DOCK3: variants seen among roughly 807,000 people sequenced by gnomAD.
The protein encoded by DOCK3 is dedicator of cytokinesis protein 3.
Under a neutral mutation model 265.6 loss-of-function variants are expected in DOCK3, and 60 were observed. The observed-to-expected ratio is 0.23, with a 90% CI of 0.18 to 0.28. The LOEUF (loss-of-function observed/expected upper bound fraction) is 0.28. Among genes scored for constraint, DOCK3 ranks in the 10% least tolerant of loss-of-function variants. DOCK3 has a pLI of 1.00. For synonymous variants in DOCK3, 881 were observed against 938.0 expected (o/e 0.94, Z 1.11); for missense variants, 1,981 against 2,594.3 (o/e 0.76, Z 5.14).
chr3:51,150,846 A>G (rs960138685), intron 10 of DOCK3, among the ~76,000 whole-genome samples: 8 of 152,078 alleles, frequency 5.3e-5, no homozygotes, highest in Non-Finnish European at 8.8e-5. Context: ...GTAGATGTCT[A>G]TTTGGTCCAC....
intron 10 of DOCK3, among the ~76,000 whole-genome samples, chr3:51,151,839 T>G (rs1403978702): frequency 6.6e-6 from 1 of 152,198 alleles, no homozygotes; most frequent in Non-Finnish European, 1.5e-5. Flanking sequence ...TGTCTTCTGC[T>G]TATAGAGTTT....
chr3:50,745,220 A>G (rs1317678551), intron 1 of DOCK3, among the ~76,000 whole-genome samples: 1 of 151,846 alleles, frequency 6.6e-6, no homozygotes, highest in Non-Finnish European at 1.5e-5. Context: ...TAATTTTTGT[A>G]TTTTTAGTAA....
At chr3:50,942,064 TGTAC>T (rs2076310862) in intron 5 of DOCK3, among the ~76,000 whole-genome samples, 1 of 152,068 alleles carries the variant, frequency 6.6e-6, no homozygotes, top group Non-Finnish European at 1.5e-5. Flanking sequence ...GTTTTGACAG[TGTAC>T]TGTGGTTATA....
At chr3:51,086,562 C>A (rs1332902711) in intron 7 of DOCK3, among the ~76,000 whole-genome samples, 1 of 152,194 alleles carries the variant, frequency 6.6e-6, no homozygotes, top group African/African-American at 2.4e-5. Context: ...CTTTGGGAGG[C>A]CAAGGCAGGT....
chr3:51,252,668 G>A (rs1211490795), intron 22 of DOCK3, among the ~76,000 whole-genome samples: 2 of 152,092 alleles, frequency 1.3e-5, no homozygotes, highest in Admixed American at 6.5e-5. Context: ...CTGTTTGTCT[G>A]TTATTGGTGT....
intron 48 of DOCK3, among the ~76,000 whole-genome samples, chr3:51,362,250 T>G (rs749553553): frequency 1.3e-5 from 2 of 152,172 alleles, no homozygotes; most frequent in African/African-American, 2.4e-5. Context: ...ACGGGAAAGA[T>G]CCTCTGCCAG....
chr3:51,149,109 T>C (rs1337127405), intron 10 of DOCK3, among the ~76,000 whole-genome samples: 1 of 152,194 alleles, frequency 6.6e-6, no homozygotes, highest in Non-Finnish European at 1.5e-5. Context: ...GTAGCAATTG[T>C]GAATGGGAGT....
intron 6 of DOCK3, 71 bp downstream of exon 6, chr3:51,064,667 C>T: frequency 6.5e-7 from 1 of 1,529,190 alleles, no homozygotes; most frequent in Non-Finnish European, 8.9e-7. Flanking sequence ...GAGTTTGCAC[C>T]TATACAAAGC....
In DOCK3 at chr3:50,786,530, T is replaced by A. The variant is rs2042193089; in HGVS notation, c.121+7772T>A. ...GCACACTAACACATGGGAACTTATC[T>A]CCTGGAGAACACGCTTAAGGAGATG... On this transcript the variant is annotated intron_variant, in intron 2 of 52. Transcript: ENST00000266037. The A allele has an allele frequency of 2.3e-5, 9 of 399,004 alleles. 1 individual carries two copies. In the South Asian group the frequency reaches 2.3e-4, roughly 10 times the overall value. The allele number at this position is 399,004 out of a possible 1,614,324, so 24.7% of individuals were successfully genotyped here.
At chr3:50,967,813 C>A (rs2077076867) in intron 5 of DOCK3, among the ~76,000 whole-genome samples, 2 of 152,146 alleles carry the variant, frequency 1.3e-5, no homozygotes, top group South Asian at 4.1e-4. Flanking sequence ...TCCTGCTGGT[C>A]CCTCCCATGA....
Position 51,260,262 on chromosome 3 carries a change from T to C in DOCK3, c.2291T>C (p.Phe764Ser), listed in dbSNP as rs2079781537. 1 of 1,613,810 alleles carries C rather than the reference T, an allele frequency of 6.2e-7. No homozygotes were observed. The highest frequency in any genetic ancestry group is 1.3e-5 in the African/African-American group (1 of 74,908). Residue 764 changes from phenylalanine to serine, a missense_variant, in exon 23 of 53, where the codon TTC (phenylalanine) becomes TCC (serine). This residue lies in a region of DOCK3 where 1,357 missense variants were observed against 1,866.8 expected (regional missense o/e 0.73). Transcript: ENST00000266037. ...TTCAGATCCAGTATCCAAGAACTTT[T>C]CCAGTCCATCCGGTTTGTGCTCAGT... ...EQFRSSIQEL[F>S]QSIRFVLSLD...
intron 5 of DOCK3, among the ~76,000 whole-genome samples, chr3:51,054,034 G>T (rs2081104742): frequency 6.8e-6 from 1 of 147,482 alleles, no homozygotes; most frequent in African/African-American, 2.5e-5. Flanking sequence ...TTCTCTCCTA[G>T]GTCCCTTTGT....
chr3:51,280,250 A>G (rs1192740699), intron 27 of DOCK3, 46 bp downstream of exon 27: 2 of 1,561,246 alleles, frequency 1.3e-6, no homozygotes, highest in Non-Finnish European at 1.8e-6. Flanking sequence ...GTGTGCAGCC[A>G]GCACTCCCCA....
chr3:50,788,237 C>T (rs2042285547), intron 2 of DOCK3: 2 of 721,796 alleles, frequency 2.8e-6, no homozygotes, highest in Admixed American at 3.1e-5. Flanking sequence ...GCTACAGGCA[C>T]AGCACAGTTT....
intron 49 of DOCK3, among the ~76,000 whole-genome samples, chr3:51,372,520 AC>A (rs1444481064): frequency 1.3e-5 from 2 of 151,534 alleles, no homozygotes; most frequent in African/African-American, 4.9e-5. Flanking sequence ...CTCCATCCTA[AC>A]CCCCTCACAC....
chr3:50,783,222 A>G (rs1200593045), intron 2 of DOCK3, among the ~76,000 whole-genome samples: 1 of 151,800 alleles, frequency 6.6e-6, no homozygotes, highest in Admixed American at 6.6e-5. Flanking sequence ...TGAATGGTAG[A>G]TCTACTTTTT....
chr3:50,966,413 T>C (rs1346369198), intron 5 of DOCK3, among the ~76,000 whole-genome samples: 1 of 152,008 alleles, frequency 6.6e-6, no homozygotes, highest in Non-Finnish European at 1.5e-5. Flanking sequence ...GCTATGTTAA[T>C]TTACATTCCC....
chr3:51,217,672 G>A (rs2089860203), intron 14 of DOCK3, among the ~76,000 whole-genome samples: 1 of 152,058 alleles, frequency 6.6e-6, no homozygotes, highest in African/African-American at 2.4e-5. Context: ...TTTTTAAGAA[G>A]ATGGGCAGGC....
chr3:51,063,247 C>T (rs1040378059), intron 5 of DOCK3, among the ~76,000 whole-genome samples: 1 of 151,924 alleles, frequency 6.6e-6, no homozygotes, highest in East Asian at 1.9e-4. Flanking sequence ...GCCTGTAATC[C>T]GAGCCACTCA....
Sources: allele counts gnomAD v4.1 joint callset (sites outside exome capture counted in the v4.1 genomes callset), GRCh38; gene constraint gnomAD v4.1.1; regional missense constraint gnomAD v4.1.1; transcripts MANE v1.5; gene names NCBI Gene and HGNC (gene_info 2026-07-23, HGNC 2026-07-21).